RBMS3: variants seen among roughly 807,000 people sequenced by gnomAD.
The protein encoded by RBMS3 is RNA binding motif single stranded interacting protein 3, also known as RNA-binding motif, single-stranded-interacting protein 3.
In RBMS3, 27 loss-of-function variants were observed where a neutral mutation model predicts 66.8. The observed-to-expected ratio is 0.40, with a 90% CI of 0.30 to 0.56. The LOEUF (loss-of-function observed/expected upper bound fraction) is 0.56, where lower values mean the gene tolerates loss of function less well. Ranked by LOEUF, RBMS3 falls within the 20% of genes least tolerant of loss-of-function variation. RBMS3 has a pLI of 0.40. For synonymous variants in RBMS3, 188 were observed against 183.0 expected, an observed-to-expected ratio of 1.03 and a Z score of -0.22; for missense variants, 513 against 549.5, an observed-to-expected ratio of 0.93 and a Z score of 0.66.
chr3:29,353,606 G>T (rs1346163909), intron 1 of RBMS3, among the ~76,000 whole-genome samples: 1 of 151,906 alleles, frequency 6.6e-6, no homozygotes, highest in Non-Finnish European at 1.5e-5. Flanking sequence ...ATTCATCATG[G>T]AATCTCTGTA....
Position 29,281,475 on chromosome 3 carries a change from C to CTTTTTT in RBMS3, c.-201_-196dup. 1 of 464,748 alleles carries CTTTTTT rather than the reference C, an allele frequency of 2.2e-6. No individual in the cohort carries two copies. Among genetic ancestry groups the CTTTTTT allele is most frequent in the Non-Finnish European group, 3.8e-6 (1 of 262,952 alleles). 28.8% of individuals were successfully genotyped at this position (464,748 alleles called of 1,614,324 possible). On this transcript the variant is annotated 5_prime_UTR_variant, in exon 1 of 15. Coordinates refer to ENST00000383767, the MANE Select transcript of RBMS3 (RefSeq NM_001003793.3). ...TTTTCTACAGATCTCACTCCTCGCC[C>CTTTTTT]TTTTTTTTTTTCCTTTGGTGTGTGT...
chr3:29,675,086 C>A (rs1411797745), intron 4 of RBMS3, among the ~76,000 whole-genome samples: 1 of 152,066 alleles, frequency 6.6e-6, no homozygotes, highest in East Asian at 1.9e-4. Flanking sequence ...AGATATAGAC[C>A]AATGGAACAG....
intron 3 of RBMS3, among the ~76,000 whole-genome samples, chr3:29,498,950 G>GT (rs2043863697): frequency 6.6e-6 from 1 of 152,114 alleles, no homozygotes; most frequent in African/African-American, 2.4e-5. Flanking sequence ...TGTCTTAAAG[G>GT]TATGAAAGAT....
chr3:29,554,325 C>G (rs1485176664), intron 3 of RBMS3, among the ~76,000 whole-genome samples: 2 of 152,174 alleles, frequency 1.3e-5, no homozygotes, highest in Non-Finnish European at 2.9e-5. Flanking sequence ...AGCCTATTAC[C>G]AGGTTTTGCC....
intron 2 of RBMS3, among the ~76,000 whole-genome samples, chr3:29,459,739 C>T (rs960014689): frequency 2.6e-5 from 4 of 152,094 alleles, no homozygotes; most frequent in East Asian, 3.9e-4. Flanking sequence ...TGCATGATTT[C>T]GAACTTAAAA....
chr3:29,702,240 C>T (rs12492141), intron 4 of RBMS3, among the ~76,000 whole-genome samples: 11,375 of 152,030 alleles, frequency 0.075, 1,408 homozygotes, highest in African/African-American at 0.26. Context: ...CTGTGTCTAG[C>T]TCAAGGTTTG....
chr3:29,685,465 C>G (rs2051689963), intron 4 of RBMS3, among the ~76,000 whole-genome samples: 1 of 152,076 alleles, frequency 6.6e-6, no homozygotes. Context: ...TATTTAAGCT[C>G]TATTCTACCT....
intron 4 of RBMS3, among the ~76,000 whole-genome samples, chr3:29,672,613 C>CA (rs941758382): frequency 6.6e-5 from 10 of 150,880 alleles, no homozygotes; most frequent in East Asian, 2.0e-4. Context: ...AAATGGAAAA[C>CA]AAAAAAAAGC....
chr3:29,538,190 G>C (rs1037646921), intron 3 of RBMS3, among the ~76,000 whole-genome samples: 2 of 152,160 alleles, frequency 1.3e-5, no homozygotes, highest in Non-Finnish European at 2.9e-5. Flanking sequence ...ATGTGGATAG[G>C]TAGAAGATAA....
At chr3:29,648,280 T>C (rs1257605543) in intron 4 of RBMS3, among the ~76,000 whole-genome samples, 1 of 144,686 alleles carries the variant, frequency 6.9e-6, no homozygotes, top group Non-Finnish European at 1.5e-5. Context: ...TTTTTTTTTT[T>C]TTTTTGCGAC....
chr3:29,905,444 T>C (rs1200510467), intron 10 of RBMS3, among the ~76,000 whole-genome samples: 2 of 152,060 alleles, frequency 1.3e-5, no homozygotes, highest in Non-Finnish European at 2.9e-5. Flanking sequence ...TTTTGATTTT[T>C]TTTCCCCCAA....
At chr3:29,722,896 T>G (rs566252142) in intron 4 of RBMS3, among the ~76,000 whole-genome samples, 1 of 152,170 alleles carries the variant, frequency 6.6e-6, no homozygotes, top group South Asian at 2.1e-4. Context: ...AATGTCTCCA[T>G]GGAAAAGTTA....
At chr3:29,797,649 G>C (rs1359130270) in intron 6 of RBMS3, 2 of 152,136 alleles carry the variant, frequency 1.3e-5, no homozygotes, top group Admixed American at 1.3e-4. Context: ...ATTATTTCTG[G>C]CTAATATTTG....
At chr3:29,448,013 T>G (rs2041891907) in intron 2 of RBMS3, among the ~76,000 whole-genome samples, 1 of 152,162 alleles carries the variant, frequency 6.6e-6, no homozygotes, top group Non-Finnish European at 1.5e-5. Context: ...ATCAACCAAA[T>G]TTAAGATAAA....
At chr3:29,434,027 T>C (rs1234784428) in intron 1 of RBMS3, among the ~76,000 whole-genome samples, 2 of 152,132 alleles carry the variant, frequency 1.3e-5, no homozygotes, top group Non-Finnish European at 2.9e-5. Flanking sequence ...ACAAGGACAG[T>C]GCCCACAACA....
intron 12 of RBMS3, among the ~76,000 whole-genome samples, chr3:29,966,112 T>G (rs1310265767): frequency 6.6e-6 from 1 of 152,210 alleles, no homozygotes; most frequent in Non-Finnish European, 1.5e-5. Context: ...ATCAGTACCA[T>G]GCTGTTTTGA....
At chr3:29,817,192 C>CTTTTTCTTT (rs1553677830) in intron 6 of RBMS3, among the ~76,000 whole-genome samples, 1 of 127,226 alleles carries the variant, frequency 7.9e-6, no homozygotes, top group African/African-American at 3.2e-5. Context: ...ATTTTCTTTT[C>CTTTTTCTTT]TTTTTTTTTT....
At chr3:29,897,234 T>A (rs1006254145) in intron 8 of RBMS3, 145 bp from the exon 9 acceptor site, 1 of 656,686 alleles carries the variant, frequency 1.5e-6, no homozygotes, top group African/African-American at 1.8e-5. Context: ...TCAAATAATG[T>A]AAATCTCCTA....
rs1043895142 is a variant in RBMS3 at position 30,003,736 on chromosome 3, G to GTGAC, written c.1308-118_1308-115dup. On this transcript the variant is annotated intron_variant, in intron 14 of 14. Coordinates refer to ENST00000383767, the MANE Select transcript of RBMS3 (RefSeq NM_001003793.3). Reference sequence around the variant, plus strand: ...CTCAGTATGATTTTATGATGCTTTTGTGACTATGTTACATTGAAAGCTTGG... The same window carrying GTGAC: ...CTCAGTATGATTTTATGATGCTTTTGTGACTGACTATGTTACATTGAAAGCTTGG... 9.8e-5 allele frequency: 59 copies of GTGAC among 600,812 alleles called. No individual in the cohort carries two copies. In the African/African-American group the frequency reaches 1.0e-3, roughly 11 times the overall value. The allele number at this position is 600,812 out of a possible 1,614,324, so 37.2% of individuals were successfully genotyped here.
Sources: allele counts gnomAD v4.1 joint callset (sites outside exome capture counted in the v4.1 genomes callset), GRCh38; gene constraint gnomAD v4.1.1; transcripts MANE v1.5; gene names NCBI Gene and HGNC (gene_info 2026-07-23, HGNC 2026-07-21).